Variants in RAD51AP1 observed in about 807,000 individuals in gnomAD.
The protein encoded by RAD51AP1 is RAD51 associated protein 1.
In RAD51AP1, 14 loss-of-function variants were observed where a neutral mutation model predicts 34.3. The observed-to-expected ratio is 0.41, with a 90% CI of 0.27 to 0.64. The LOEUF (loss-of-function observed/expected upper bound fraction) is 0.64. Ranked by LOEUF, RAD51AP1 falls within the 30% of genes least tolerant of loss-of-function variation. The pLI, the probability that RAD51AP1 is intolerant of heterozygous loss-of-function variation, is 0.33. For missense variants in RAD51AP1, 348 were observed against 386.9 expected (o/e 0.90, Z 0.84); for synonymous variants, 114 against 129.8 (o/e 0.88, Z 0.83).
chr12:4,546,782 G>A (rs1944509573), intron 4 of RAD51AP1, among the ~76,000 whole-genome samples: 1 of 152,042 alleles, frequency 6.6e-6, no homozygotes, highest in South Asian at 2.1e-4. Flanking sequence ...CCCTAATTAT[G>A]GTAATTTTTA....
chr12:4,545,635 T>A, intron 3 of RAD51AP1: 1 of 702,552 alleles, frequency 1.4e-6, no homozygotes, highest in Non-Finnish European at 2.3e-6. Context: ...TCTTCCTTTA[T>A]GTAACTTTTC....
intron 8 of RAD51AP1, 85 bp from the exon 9 acceptor site, chr12:4,558,772 C>A: frequency 6.7e-7 from 1 of 1,492,382 alleles, no homozygotes; most frequent in Non-Finnish European, 9.1e-7. Flanking sequence ...GCTTAACTAC[C>A]TTTTTTTTGC....
intron 1 of RAD51AP1, among the ~76,000 whole-genome samples, chr12:4,539,246 A>G (rs900320997): frequency 6.6e-6 from 1 of 152,098 alleles, no homozygotes; most frequent in African/African-American, 2.4e-5. Context: ...ATTATGTGTT[A>G]TTTTATTTGT....
At chr12:4,553,262 G>T (rs1379342420) in intron 7 of RAD51AP1, 115 bp downstream of exon 7, 1 of 910,228 alleles carries the variant, frequency 1.1e-6, no homozygotes, top group Non-Finnish European at 1.6e-6. Flanking sequence ...TCCATTTCTT[G>T]TTAAAATATG....
At chr12:4,542,583 T>C (rs1456020297) in intron 2 of RAD51AP1, among the ~76,000 whole-genome samples, 1 of 152,108 alleles carries the variant, frequency 6.6e-6, no homozygotes, top group African/African-American at 2.4e-5. Flanking sequence ...TTTTTTTTTT[T>C]TTTTGTCATC....
In RAD51AP1 at chr12:4,559,003, A is replaced by C. The variant is rs2137301595; in HGVS notation, c.*10A>C. 2 of 1,613,016 alleles carry C rather than the reference A, an allele frequency of 1.2e-6. No individual in the cohort carries two copies. Among genetic ancestry groups the C allele is most frequent in the Non-Finnish European group, 1.7e-6 (2 of 1,179,506 alleles). ...TGCCACTAGCACCTGAGTGTGGTAC[A>C]GGAGGAATGTTTGGTTGGGAGAATC... On this transcript the variant is annotated 3_prime_UTR_variant, in exon 9 of 9. Transcript: ENST00000352618.
rs1944519259 is a variant in RAD51AP1 at position 4,548,104 on chromosome 12, A to G, written c.332A>G (p.His111Arg). Reference sequence around the variant, plus strand: ...TCCTTATATTTAGGCATTGAAAAACATGGCAGTAGTAAAATAGAAACAATG... The same window carrying G: ...TCCTTATATTTAGGCATTGAAAAACGTGGCAGTAGTAAAATAGAAACAATG... ...QNSQDKSIEKHGSSKIETMNK... is the reference protein window; with the variant it reads ...QNSQDKSIEKRGSSKIETMNK... The change falls in exon 5 of 9, where the codon CAT becomes CGT. Residue 111 changes from histidine to arginine, a missense_variant. By Grantham distance (29) the His-to-Arg change is conservative. Coordinates refer to ENST00000352618, the MANE Select transcript of RAD51AP1 (RefSeq NM_006479.5). The G allele has an allele frequency of 2.5e-6, 4 of 1,598,794 alleles. No homozygotes were observed. The highest frequency in any genetic ancestry group is 3.4e-6 in the Non-Finnish European group (4 of 1,176,330).
chr12:4,559,035 T>C lies in RAD51AP1; in HGVS notation c.*42T>C. 1.3e-6 allele frequency: 2 copies of C among 1,599,244 alleles called. No homozygotes were observed. The highest frequency in any genetic ancestry group is 1.7e-6 in the Non-Finnish European group (2 of 1,169,024). On this transcript the variant is annotated 3_prime_UTR_variant, in exon 9 of 9. Coordinates refer to ENST00000352618, the MANE Select transcript of RAD51AP1 (RefSeq NM_006479.5). ...ATGTTTGGTTGGGAGAATCACAGCTTTACAAGGGTGTTTATATTTGATTTG... is the reference window on the plus strand; with the variant it reads ...ATGTTTGGTTGGGAGAATCACAGCTCTACAAGGGTGTTTATATTTGATTTG...
At chr12:4,551,833 G>C (rs1944549383) in intron 6 of RAD51AP1, among the ~76,000 whole-genome samples, 1 of 152,148 alleles carries the variant, frequency 6.6e-6, no homozygotes. Context: ...AAAGGGAATA[G>C]AAGAAGAAGA....
Position 4,553,102 on chromosome 12 carries a change from G to A in RAD51AP1, c.676G>A (p.Val226Ile), listed in dbSNP as rs749040423. 4.4e-6 allele frequency: 7 copies of A among 1,601,404 alleles called. No individual in the cohort carries two copies. In the Admixed American group the frequency reaches 1.2e-4, roughly 28 times the overall value. ...KKKEVKVKSP[V>I]EKKEKKSKSK... ...GAAAGAAGTGAAGGTAAAATCCCCAGTAGAAAAGAAAGAGAAGAAATCTAA... is the reference window on the plus strand; with the variant it reads ...GAAAGAAGTGAAGGTAAAATCCCCAATAGAAAAGAAAGAGAAGAAATCTAA... The change falls in exon 7 of 9, where the codon GTA becomes ATA. Residue 226 changes from valine (V) to isoleucine (I), a missense_variant. Transcript: ENST00000352618.
intron 3 of RAD51AP1, chr12:4,545,882 T>G (rs762468489): frequency 1.3e-6 from 2 of 1,570,106 alleles, no homozygotes; most frequent in East Asian, 4.5e-5. Context: ...GAGGAAGAGA[T>G]GTAAAAAAAT....
In RAD51AP1 at chr12:4,558,928, C is replaced by T. The variant is rs1249856130; in HGVS notation, c.943C>T (p.Leu315Phe). Residue 315 changes from leucine (L) to phenylalanine (F), a missense_variant, in exon 9 of 9, where the codon CTC becomes TTC. Leu to Phe is a conservative substitution (Grantham distance 22). Coordinates refer to ENST00000352618, the MANE Select transcript of RAD51AP1 (RefSeq NM_006479.5). The part of the protein sequence containing the change: ...VVSVKSPNQS[L>F]RLGLSRLARV... ...GTCTGTGAAGTCTCCCAATCAGAGT[C>T]TCCGCCTTGGCTTGTCCAGATTAGC... 6.2e-7 allele frequency: 1 copy of T among 1,614,044 alleles called. No homozygotes were observed. Among genetic ancestry groups the T allele is most frequent in the East Asian group, 2.2e-5 (1 of 44,898 alleles).
intron 7 of RAD51AP1, among the ~76,000 whole-genome samples, chr12:4,554,697 C>G (rs1235822019): frequency 6.6e-6 from 1 of 152,108 alleles, no homozygotes; most frequent in Non-Finnish European, 1.5e-5. Context: ...TGAAATTTAA[C>G]CATTAAGTGA....
At chr12:4,555,456 G>A (rs1229163636) in intron 7 of RAD51AP1, among the ~76,000 whole-genome samples, 1 of 152,074 alleles carries the variant, frequency 6.6e-6, no homozygotes, top group Non-Finnish European at 1.5e-5. Context: ...CCACCAGAAA[G>A]ATGTTTTTAA....
Position 4,559,139 on chromosome 12 carries a change from AT to A in RAD51AP1, c.*148del. 1.0e-6 allele frequency: 1 copy of A among 966,186 alleles called. No homozygotes were observed. Among genetic ancestry groups the A allele is most frequent in the Non-Finnish European group, 1.5e-6 (1 of 665,002 alleles). The allele number at this position is 966,186 out of a possible 1,614,324, so 59.9% of individuals were successfully genotyped here. A position where few individuals can be genotyped will look rare whatever the true frequency, so the allele number is the denominator to read the frequency against. On this transcript the variant is annotated 3_prime_UTR_variant, in exon 9 of 9. Transcript: ENST00000352618. Reference sequence around the variant, plus strand: ...ATAAATGACCTCTAGCCATTTTATGATTATGTTCTCTGTAAAACTCTTCAAG... The same window carrying A: ...ATAAATGACCTCTAGCCATTTTATGATATGTTCTCTGTAAAACTCTTCAAG...
At chr12:4,548,549 A>C in intron 5 of RAD51AP1, 138 bp from the exon 6 acceptor site, 1 of 1,011,628 alleles carries the variant, frequency 9.9e-7, no homozygotes, top group Middle Eastern at 2.9e-4. Flanking sequence ...AGATTGGGCT[A>C]ATAGTCTATT....
In RAD51AP1 at chr12:4,538,909, G is replaced by A. The variant is rs950695581; in HGVS notation, c.-31G>A. 1 of 1,613,102 alleles carries A rather than the reference G, an allele frequency of 6.2e-7. No individual in the cohort carries two copies. Among genetic ancestry groups the A allele is most frequent in the Non-Finnish European group, 8.5e-7 (1 of 1,179,242 alleles). ...GCCGCTGAAGCCAACAAGAATTTGAGAACTGTAAATACCAAGCCTTGAAAG... is the reference window on the plus strand; with the variant it reads ...GCCGCTGAAGCCAACAAGAATTTGAAAACTGTAAATACCAAGCCTTGAAAG... On this transcript the variant is annotated 5_prime_UTR_variant, in exon 1 of 9. Coordinates refer to ENST00000352618, the MANE Select transcript of RAD51AP1 (RefSeq NM_006479.5).
chr12:4,558,563 G>A (rs186710577), intron 8 of RAD51AP1, among the ~76,000 whole-genome samples: 2 of 152,232 alleles, frequency 1.3e-5, no homozygotes, highest in East Asian at 3.9e-4. Context: ...ATAATTATAT[G>A]CATTTTTGTA....
rs550119264 is a variant in RAD51AP1 at position 4,543,318 on chromosome 12, C to G, written c.68-445C>G. ...TCAGGTGATCTGCCCGCCTTGGCCT[C>G]CCAAAGTGCTGGGATTACAAGTGTG... On this transcript the variant is annotated intron_variant, in intron 2 of 8. Transcript: ENST00000352618. Among the ~76,000 whole-genome samples the G allele has an allele frequency of 2.6e-5, 4 of 152,256 alleles. No homozygotes were observed. In the East Asian group the frequency reaches 7.7e-4, roughly 29 times the overall value.
Sources: allele counts gnomAD v4.1 joint callset (sites outside exome capture counted in the v4.1 genomes callset), GRCh38; gene constraint gnomAD v4.1.1; transcripts MANE v1.5; gene names NCBI Gene and HGNC (gene_info 2026-07-23, HGNC 2026-07-21).